The following NEO1 variants were observed in gnomAD, a reference collection of about 807,000 sequenced individuals.
NEO1 encodes the protein neogenin.
Under a neutral mutation model 159.7 loss-of-function variants are expected in NEO1, and 63 were observed. The ratio of observed to expected loss-of-function variants is 0.39; its 90% CI spans 0.32 to 0.49. NEO1 has a LOEUF of 0.49. Among genes scored for constraint, NEO1 ranks in the 20% least tolerant of loss-of-function variants. The probability of loss-of-function intolerance (pLI) is 0.85; values close to 1 mark genes in which losing one functional copy is unlikely to be tolerated. For synonymous variants in NEO1, 633 were observed against 662.0 expected (o/e 0.96, Z 0.67); for missense variants, 1,615 against 1,831.0 (o/e 0.88, Z 2.15).
At chr15:73,085,735 A>G (rs2069318478) in intron 1 of NEO1, among the ~76,000 whole-genome samples, 2 of 152,230 alleles carry the variant, frequency 1.3e-5, no homozygotes, top group Non-Finnish European at 2.9e-5. Context: ...GATGTTGAGC[A>G]TCTTTTTCTG....
At chr15:73,247,911 TC>T (rs1436661883) in intron 9 of NEO1, among the ~76,000 whole-genome samples, 1 of 152,176 alleles carries the variant, frequency 6.6e-6, no homozygotes, top group Non-Finnish European at 1.5e-5. Flanking sequence ...CAGCCAGTGA[TC>T]CAGTCTTCCA....
intron 25 of NEO1, 50 bp from the exon 26 acceptor site, chr15:73,293,340 G>T: frequency 6.2e-7 from 1 of 1,605,066 alleles, no homozygotes. Flanking sequence ...TGATTTGTGT[G>T]TGTTTGTGCA....
At position 73,274,004 on chromosome 15, in the gene NEO1, A is replaced by C. The variant is rs1361884781; in HGVS notation, c.3159A>C (p.Lys1053Asn). The part of the protein sequence containing the change: ...MSEAVQFRTP[K>N]ADSSDKMPND... ...AAGCTGTCCAATTCAGAACACCTAAAGGTAATGCTCCCCAAGCTGAGGGTT... is the reference window on the plus strand; with the variant it reads ...AAGCTGTCCAATTCAGAACACCTAACGGTAATGCTCCCCAAGCTGAGGGTT... Residue 1053 changes from lysine to asparagine, a missense_variant and splice_region_variant, in exon 20 of 29, where the codon AAA becomes AAC. This residue lies in a region of NEO1 where 126 missense variants were observed against 216.7 expected (regional missense o/e 0.58). Coordinates refer to ENST00000261908, the MANE Select transcript of NEO1 (RefSeq NM_002499.4). 1.9e-6 allele frequency: 3 copies of C among 1,612,962 alleles called. No homozygotes were observed. In the South Asian group the frequency reaches 3.3e-5, roughly 18 times the overall value.
At position 73,269,997 on chromosome 15, in the gene NEO1, A is replaced by T; in HGVS notation, c.2495-13A>T. 2 of 1,599,246 alleles carry T rather than the reference A, an allele frequency of 1.3e-6. No individual in the cohort carries two copies. Among genetic ancestry groups the T allele is most frequent in the South Asian group, 1.1e-5 (1 of 90,054 alleles). ...AAAATGCCACTTCCCTTTTTAAATT[A>T]TTTTCTGCTCAGACACTTCTGAAGT... On this transcript the variant is annotated splice_polypyrimidine_tract_variant and intron_variant, in intron 16 of 28. Transcript: ENST00000261908.
rs2042733466 is a variant in NEO1 at position 73,304,933 on chromosome 15, A to G, written c.*2237A>G. 6.6e-6 allele frequency: 1 copy of G among 152,072 alleles called. No individual in the cohort carries two copies. The highest frequency in any genetic ancestry group is 6.6e-5 in the Admixed American group (1 of 15,266). 9.4% of individuals were successfully genotyped at this position (152,072 alleles called of 1,614,324 possible). A position where few individuals can be genotyped will look rare whatever the true frequency, so the allele number is the denominator to read the frequency against. ...TTCACAATTTAATACATTTTCTTAC[A>G]TTTTCCTGTGATTTTCGAAACTAAA... is the stretch of plus-strand genomic sequence containing the variant. On this transcript the variant is annotated 3_prime_UTR_variant, in exon 29 of 29. Coordinates refer to ENST00000261908, the MANE Select transcript of NEO1 (RefSeq NM_002499.4).
intron 5 of NEO1, among the ~76,000 whole-genome samples, chr15:73,174,774 C>T (rs188704931): frequency 1.6e-3 from 236 of 152,226 alleles, no homozygotes; most frequent in African/African-American, 5.2e-3. Context: ...ATTGGAAAAA[C>T]GGCAGCATAT....
At chr15:73,287,049 A>G (rs1463116001) in intron 23 of NEO1, among the ~76,000 whole-genome samples, 2 of 152,210 alleles carry the variant, frequency 1.3e-5, no homozygotes, top group African/African-American at 2.4e-5. Flanking sequence ...CACAAAGGGA[A>G]GTTCACACTC....
intron 5 of NEO1, among the ~76,000 whole-genome samples, chr15:73,146,339 G>A (rs59599041): frequency 0.014 from 2,129 of 152,174 alleles, 43 homozygotes; most frequent in African/African-American, 0.049. Flanking sequence ...CATATTCTCC[G>A]TACTTCTGGA....
rs536156726 is a variant in NEO1, at chr15:73,245,386, T to C, written c.1606+888T>C. On this transcript the variant is annotated intron_variant, in intron 9 of 28. Coordinates refer to ENST00000261908, the MANE Select transcript of NEO1 (RefSeq NM_002499.4). ...TACTTCTAATTACATTTCTAAGATT[T>C]TCAGTGACGTGAGTGTCAATCAGGT... is the stretch of plus-strand genomic sequence containing the variant. Among the ~76,000 whole-genome samples the C allele has an allele frequency of 3.7e-4, 56 of 152,292 alleles. 2 individuals carry two copies. In the South Asian group the frequency reaches 9.1e-3, roughly 25 times the overall value.
At chr15:73,059,400 T>C (rs556760687) in intron 1 of NEO1, among the ~76,000 whole-genome samples, 7 of 152,342 alleles carry the variant, frequency 4.6e-5, no homozygotes, top group African/African-American at 1.7e-4. Context: ...TTTAAAATTA[T>C]TTCATAGCGA....
chr15:73,282,787 C>G (rs1328047322), intron 22 of NEO1, among the ~76,000 whole-genome samples, 177 bp from the exon 23 acceptor site: 1 of 152,226 alleles, frequency 6.6e-6, no homozygotes, highest in Non-Finnish European at 1.5e-5. Context: ...AGACTCTTAG[C>G]TGTCTAGGAG....
At chr15:73,114,957 G>A (rs1323133604) in intron 1 of NEO1, among the ~76,000 whole-genome samples, 1 of 151,922 alleles carries the variant, frequency 6.6e-6, no homozygotes, top group African/African-American at 2.4e-5. Context: ...CTAATTGCAG[G>A]TTACTTTTTA....
At chr15:73,113,313 T>C (rs970262722) in intron 1 of NEO1, among the ~76,000 whole-genome samples, 2 of 152,184 alleles carry the variant, frequency 1.3e-5, no homozygotes, top group Non-Finnish European at 2.9e-5. Flanking sequence ...CAGTCTCTTA[T>C]TAATACTTTA....
At chr15:73,204,219 GT>G (rs367668319) in intron 7 of NEO1, among the ~76,000 whole-genome samples, 5 of 151,262 alleles carry the variant, frequency 3.3e-5, no homozygotes, top group African/African-American at 9.7e-5. Flanking sequence ...AGGTAGGGTG[GT>G]TTTTTTTATT....
intron 1 of NEO1, among the ~76,000 whole-genome samples, chr15:73,054,296 AG>A (rs2067601521): frequency 6.6e-6 from 1 of 152,240 alleles, no homozygotes; most frequent in Non-Finnish European, 1.5e-5. Context: ...TAATTTTGTA[AG>A]TAACTAAAAT....
At chr15:73,178,095 G>A (rs1237520783) in intron 6 of NEO1, among the ~76,000 whole-genome samples, 1 of 152,152 alleles carries the variant, frequency 6.6e-6, no homozygotes, top group Non-Finnish European at 1.5e-5. Flanking sequence ...TCTTCATCGT[G>A]AATGACAGTA....
intron 16 of NEO1, among the ~76,000 whole-genome samples, chr15:73,269,591 C>G (rs531497105): frequency 1.1e-4 from 17 of 152,288 alleles, no homozygotes; most frequent in African/African-American, 3.8e-4. Flanking sequence ...AACTCCTGAC[C>G]TCAGGTGATC....
chr15:73,220,539 A>G (rs567582736), intron 7 of NEO1, among the ~76,000 whole-genome samples: 1 of 152,094 alleles, frequency 6.6e-6, no homozygotes, highest in Non-Finnish European at 1.5e-5. Context: ...ACTTGGTTCC[A>G]TTCTCCCTGT....
At chr15:73,055,056 G>A (rs1457713692) in intron 1 of NEO1, among the ~76,000 whole-genome samples, 1 of 152,138 alleles carries the variant, frequency 6.6e-6, no homozygotes, top group Non-Finnish European at 1.5e-5. Context: ...ATAGACATAC[G>A]GAGGTGGAGG....
Sources: gnomAD v4.1 joint callset for allele counts (sites outside exome capture counted in the v4.1 genomes callset) on GRCh38, gnomAD v4.1.1 for gene constraint, gnomAD v4.1.1 regional missense constraint, MANE v1.5 for transcripts, NCBI Gene and HGNC (gene_info 2026-07-23, HGNC 2026-07-21) for gene names.